Variants in SRD5A1 observed in about 807,000 individuals in gnomAD.
The protein encoded by SRD5A1 is steroid 5 alpha-reductase 1, also known as 3-oxo-5-alpha-steroid 4-dehydrogenase 1.
SRD5A1 carries 22 observed loss-of-function variants against 28.2 expected under a neutral mutation model. The ratio of observed to expected loss-of-function variants is 0.78; its 90% confidence interval spans 0.56 to 1.12. The LOEUF (loss-of-function observed/expected upper bound fraction) is 1.12. SRD5A1 is among the 50% of genes most tolerant of loss of function. SRD5A1 has a pLI of 0.00. For synonymous variants in SRD5A1, 151 were observed against 135.0 expected (o/e 1.12, Z -0.82); for missense variants, 300 against 346.7 (o/e 0.87, Z 1.07).
chr5:6,652,692 C>T lies in SRD5A1; in HGVS notation c.460+684C>T, dbSNP rs749040445. 1.5e-4 allele frequency among the ~76,000 whole-genome samples: 23 copies of T among 151,808 alleles called. No homozygotes were observed. In the East Asian group the frequency reaches 3.5e-3, roughly 23 times the overall value. On this transcript the variant is annotated intron_variant, in intron 2 of 4. Coordinates refer to ENST00000274192, the MANE Select transcript of SRD5A1 (RefSeq NM_001047.4). The stretch of plus-strand genomic sequence containing the variant: ...TTCAAGACCAGCCTGGGCAACATGG[C>T]GAAACTCCAGCTCTACAAAAAATAC...
chr5:6,633,904 C>G, intron 1 of SRD5A1, 35 bp downstream of exon 1: 1 of 1,590,392 alleles, frequency 6.3e-7, no homozygotes, highest in Non-Finnish European at 8.5e-7. Flanking sequence ...CTACCCTACT[C>G]CCGGCCCGGC....
intron 1 of SRD5A1, 99 bp downstream of exon 1, chr5:6,633,968 C>A: frequency 7.6e-7 from 1 of 1,314,046 alleles, no homozygotes; most frequent in South Asian, 1.2e-5. Context: ...AAGCCTCCCC[C>A]ACCCAGATGC....
chr5:6,666,249 G>A (rs1025450644), intron 4 of SRD5A1, among the ~76,000 whole-genome samples: 6 of 152,066 alleles, frequency 3.9e-5, no homozygotes, highest in African/African-American at 7.2e-5. Context: ...CCAGGTTCAC[G>A]CCATTCTCCT....
chr5:6,653,797 T>C (rs910689717), intron 2 of SRD5A1, among the ~76,000 whole-genome samples: 7 of 152,194 alleles, frequency 4.6e-5, no homozygotes, highest in Admixed American at 4.6e-4. Context: ...ATGGTTCGCA[T>C]CACGTAGAGG....
chr5:6,664,218 C>A (rs1278542248), intron 4 of SRD5A1, among the ~76,000 whole-genome samples: 1 of 152,118 alleles, frequency 6.6e-6, no homozygotes, highest in Non-Finnish European at 1.5e-5. Context: ...TAACTCTGTC[C>A]TACTTCATGG....
At chr5:6,659,009 C>G (rs541397779) in intron 3 of SRD5A1, among the ~76,000 whole-genome samples, 188 of 151,806 alleles carry the variant, frequency 1.2e-3, no homozygotes, top group African/African-American at 4.3e-3. Flanking sequence ...CCCAGCCACT[C>G]AGGAAGCTGA....
Position 6,668,523 on chromosome 5 carries a change from A to T in SRD5A1, c.*255A>T. On this transcript the variant is annotated 3_prime_UTR_variant, in exon 5 of 5. Coordinates refer to ENST00000274192, the MANE Select transcript of SRD5A1 (RefSeq NM_001047.4). ...GGTAATAACTGCTGATATTTTTTCTAATTTCAAATTTACCTCTTTTGGCTA... is the reference window on the plus strand; with the variant it reads ...GGTAATAACTGCTGATATTTTTTCTTATTTCAAATTTACCTCTTTTGGCTA... The T allele has an allele frequency of 3.0e-6, 1 of 333,298 alleles. No homozygotes were observed. The highest frequency in any genetic ancestry group is 5.6e-6 in the Non-Finnish European group (1 of 180,014). 20.6% of individuals were successfully genotyped at this position (333,298 alleles called of 1,614,324 possible).
At position 6,668,457 on chromosome 5, in the gene SRD5A1, T is replaced by C. The variant is rs528009504; in HGVS notation, c.*189T>C. ...TACCTAAATACGCTGAAATGGAGGT[T>C]GAATATCCTACTGTGTAACAGGTCA... On this transcript the variant is annotated 3_prime_UTR_variant, in exon 5 of 5. Coordinates refer to ENST00000274192, the MANE Select transcript of SRD5A1 (RefSeq NM_001047.4). 4.5e-3 allele frequency: 2,023 copies of C among 452,148 alleles called. 10 individuals carry two copies. The highest frequency in any genetic ancestry group is 6.5e-3 in the Non-Finnish European group (1,620 of 248,754). 28.0% of individuals were successfully genotyped at this position (452,148 alleles called of 1,614,324 possible).
At chr5:6,642,115 T>C (rs1170022451) in intron 1 of SRD5A1, among the ~76,000 whole-genome samples, 1 of 152,266 alleles carries the variant, frequency 6.6e-6, no homozygotes, top group Non-Finnish European at 1.5e-5. Flanking sequence ...ATATGTCTAA[T>C]GAGAAGAATA....
At chr5:6,657,177 A>G (rs1244521882) in intron 3 of SRD5A1, among the ~76,000 whole-genome samples, 1 of 152,256 alleles carries the variant, frequency 6.6e-6, no homozygotes, top group Non-Finnish European at 1.5e-5. Flanking sequence ...AAAACAAACA[A>G]TGCTACAAAC....
chr5:6,637,805 T>C (rs1352607596), intron 1 of SRD5A1, among the ~76,000 whole-genome samples: 2 of 152,210 alleles, frequency 1.3e-5, no homozygotes, highest in African/African-American at 2.4e-5. Flanking sequence ...GTCCCAGGTT[T>C]GTACTCAGCC....
chr5:6,638,913 G>C (rs1223377369), intron 1 of SRD5A1, among the ~76,000 whole-genome samples: 1 of 152,104 alleles, frequency 6.6e-6, no homozygotes, highest in African/African-American at 2.4e-5. Context: ...CAATAAAGTC[G>C]ATCATTAAAA....
At chr5:6,658,501 A>G (rs1385179139) in intron 3 of SRD5A1, among the ~76,000 whole-genome samples, 1 of 152,164 alleles carries the variant, frequency 6.6e-6, no homozygotes, top group Non-Finnish European at 1.5e-5. Flanking sequence ...GCTAGTAATC[A>G]ACCCAGCTTC....
rs1739339148 is a variant in SRD5A1 at position 6,670,801 on chromosome 5, C to T, written c.*2533C>T. The T allele has an allele frequency of 1.3e-5, 2 of 152,312 alleles. No individual in the cohort carries two copies. Among genetic ancestry groups the T allele is most frequent in the African/African-American group, 4.8e-5 (2 of 41,568 alleles). 9.4% of individuals were successfully genotyped at this position (152,312 alleles called of 1,614,324 possible). A position where few individuals can be genotyped will look rare whatever the true frequency, so the allele number is the denominator to read the frequency against. ...ATTGCTGTAACCAAAGCTTAACCACCTTTCTTAAGATATTGATCAACCAGA... is the reference window on the plus strand; with the variant it reads ...ATTGCTGTAACCAAAGCTTAACCACTTTTCTTAAGATATTGATCAACCAGA... On this transcript the variant is annotated 3_prime_UTR_variant, in exon 5 of 5. Transcript: ENST00000274192.
intron 1 of SRD5A1, among the ~76,000 whole-genome samples, chr5:6,635,821 T>C (rs552994832): frequency 6.6e-6 from 1 of 152,200 alleles, no homozygotes; most frequent in Non-Finnish European, 1.5e-5. Flanking sequence ...TGAGACATCA[T>C]GTTTCATTGT....
intron 1 of SRD5A1, among the ~76,000 whole-genome samples, chr5:6,635,237 C>A (rs1052156953): frequency 3.9e-5 from 6 of 152,162 alleles, no homozygotes; most frequent in African/African-American, 1.4e-4. Context: ...ATGACTTGCA[C>A]TTTAAACAAG....
intron 1 of SRD5A1, among the ~76,000 whole-genome samples, chr5:6,650,271 T>A (rs946093162): frequency 2.6e-5 from 4 of 151,712 alleles, no homozygotes; most frequent in African/African-American, 9.7e-5. Context: ...ATTAACCAGG[T>A]GTGGTGGTGT....
At chr5:6,660,586 C>G (rs1738971389) in intron 3 of SRD5A1, among the ~76,000 whole-genome samples, 1 of 152,262 alleles carries the variant, frequency 6.6e-6, no homozygotes, top group African/African-American at 2.4e-5. Context: ...CCAGAAGGAA[C>G]AGCGCTGTGA....
At chr5:6,637,453 C>T (rs978811963) in intron 1 of SRD5A1, among the ~76,000 whole-genome samples, 3 of 152,142 alleles carry the variant, frequency 2.0e-5, no homozygotes, top group Admixed American at 6.5e-5. Context: ...AAAAGTCTCC[C>T]GGAGTCAAGG....
Sources: allele counts gnomAD v4.1 joint callset (sites outside exome capture counted in the v4.1 genomes callset), GRCh38; gene constraint gnomAD v4.1.1; transcripts MANE v1.5; gene names NCBI Gene and HGNC (gene_info 2026-07-23, HGNC 2026-07-21).